Variants in PLEKHB2 observed in about 807,000 individuals in gnomAD.
The protein encoded by PLEKHB2 is pleckstrin homology domain containing B2.
In PLEKHB2, 31 loss-of-function variants were observed where a neutral mutation model predicts 36.5. The ratio of observed to expected loss-of-function variants is 0.85; its 90% CI spans 0.64 to 1.15. The LOEUF (loss-of-function observed/expected upper bound fraction) is 1.15. Among genes scored for constraint, PLEKHB2 ranks in the 50% most tolerant of loss-of-function variants. The pLI is 0.00. For synonymous variants in PLEKHB2, 119 were observed against 112.0 expected, an observed-to-expected ratio of 1.06 and a Z score of -0.39; for missense variants, 262 against 295.3, an observed-to-expected ratio of 0.89 and a Z score of 0.83.
chr2:131,126,580 A>G, intron 3 of PLEKHB2, 104 bp from the exon 4 acceptor site: 1 of 716,962 alleles, frequency 1.4e-6, no homozygotes, highest in Non-Finnish European at 2.5e-6. Flanking sequence ...TAGATGTAGC[A>G]CTTGATTTAT....
intron 2 of PLEKHB2, among the ~76,000 whole-genome samples, chr2:131,124,790 C>CTT (rs761840735): frequency 2.1e-5 from 3 of 144,694 alleles, no homozygotes; most frequent in South Asian, 2.2e-4. Flanking sequence ...CGTGTTTTTT[C>CTT]TTTTTTTTTT....
chr2:131,139,456 A>G (rs1220606656), intron 6 of PLEKHB2, among the ~76,000 whole-genome samples: 1 of 152,236 alleles, frequency 6.6e-6, no homozygotes, highest in East Asian at 1.9e-4. Context: ...TTGCCTGGCT[A>G]CAACTCTGTT....
chr2:131,136,159 T>TCCTCCCTC (rs767240496), intron 6 of PLEKHB2, among the ~76,000 whole-genome samples: 3 of 146,310 alleles, frequency 2.1e-5, no homozygotes, highest in Admixed American at 6.8e-5. Context: ...TCTTCCTGCC[T>TCCTCCCTC]CCTCCCTCCC....
chr2:131,130,961 A>G (rs1312131270), intron 5 of PLEKHB2, among the ~76,000 whole-genome samples: 1 of 151,990 alleles, frequency 6.6e-6, no homozygotes, highest in Non-Finnish European at 1.5e-5. Flanking sequence ...TATTTGAAAA[A>G]ATTTTTTTGT....
At position 131,133,007 on chromosome 2, in the gene PLEKHB2, A is replaced by C. The variant is rs761239707; in HGVS notation, c.423+16A>C. 15 of 1,597,984 alleles carry C rather than the reference A, an allele frequency of 9.4e-6. No individual in the cohort carries two copies. The highest frequency in any genetic ancestry group is 1.3e-5 in the Non-Finnish European group (15 of 1,165,476). On this transcript the variant is annotated intron_variant, in intron 6 of 7. Transcript: ENST00000693505. ...GGCCCCTGAGGTAGGGAGAACCCTGAGCCTCCAGGTGAGGGAAGTTTGGGG... is the reference window on the plus strand; with the variant it reads ...GGCCCCTGAGGTAGGGAGAACCCTGCGCCTCCAGGTGAGGGAAGTTTGGGG...
intron 1 of PLEKHB2, among the ~76,000 whole-genome samples, chr2:131,110,067 A>G (rs1052701854): frequency 6.6e-6 from 1 of 152,066 alleles, no homozygotes; most frequent in Admixed American, 6.5e-5. Context: ...GAGAGCTGAG[A>G]TCGCGCCACT....
intron 2 of PLEKHB2, among the ~76,000 whole-genome samples, chr2:131,121,683 G>A (rs547069106): frequency 6.6e-6 from 1 of 152,288 alleles, no homozygotes; most frequent in East Asian, 1.9e-4. Context: ...TCAAATATTG[G>A]AGTCTTTGTA....
chr2:131,123,763 TCCACCCCCCCCACCCCC>T (rs1696777218), intron 2 of PLEKHB2, among the ~76,000 whole-genome samples: 1 of 21,042 alleles, frequency 4.8e-5, no homozygotes, highest in African/African-American at 4.4e-4. Flanking sequence ...GACCTCCTGG[TCCACCCCCCCCACCCCC>T]CCCCCCGCCC....
chr2:131,137,333 C>A (rs1374930362), intron 6 of PLEKHB2, among the ~76,000 whole-genome samples: 1 of 152,224 alleles, frequency 6.6e-6, no homozygotes, highest in Non-Finnish European at 1.5e-5. Flanking sequence ...TGTTGGGCAG[C>A]ATTGGTTCTC....
intron 6 of PLEKHB2, among the ~76,000 whole-genome samples, chr2:131,133,981 G>T (rs1697978144): frequency 7.2e-6 from 1 of 139,582 alleles, no homozygotes. Flanking sequence ...CTCACTAAAA[G>T]CTCCGCCTCC....
chr2:131,105,580 C>T (rs771360342), intron 1 of PLEKHB2, among the ~76,000 whole-genome samples, 182 bp downstream of exon 1: 5 of 152,158 alleles, frequency 3.3e-5, no homozygotes, highest in Non-Finnish European at 7.4e-5. Flanking sequence ...GGTCCGCCCA[C>T]CTCCCTGGAC....
At chr2:131,130,304 A>G (rs1697549801) in intron 4 of PLEKHB2, among the ~76,000 whole-genome samples, 2 of 152,064 alleles carry the variant, frequency 1.3e-5, no homozygotes, top group Admixed American at 6.6e-5. Flanking sequence ...TTGGCCTCCC[A>G]TAGTGCTGGG....
intron 7 of PLEKHB2, among the ~76,000 whole-genome samples, chr2:131,143,383 T>A: frequency 6.6e-6 from 1 of 152,232 alleles, no homozygotes; most frequent in Non-Finnish European, 1.5e-5. Flanking sequence ...CTATCATATG[T>A]CCATCACTGG....
intron 1 of PLEKHB2, among the ~76,000 whole-genome samples, chr2:131,112,407 T>G (rs1312627513): frequency 6.6e-6 from 1 of 152,220 alleles, no homozygotes; most frequent in African/African-American, 2.4e-5. Flanking sequence ...TTACCTGAAT[T>G]TTGTGAGCTG....
At chr2:131,116,564 G>C (rs905758330) in intron 1 of PLEKHB2, among the ~76,000 whole-genome samples, 1 of 152,172 alleles carries the variant, frequency 6.6e-6, no homozygotes, top group African/African-American at 2.4e-5. Context: ...CAGTAGGAAA[G>C]AGTGAACACA....
intron 4 of PLEKHB2, among the ~76,000 whole-genome samples, chr2:131,128,752 T>G (rs1439487859): frequency 6.6e-6 from 1 of 152,142 alleles, no homozygotes. Flanking sequence ...CAGAGATATG[T>G]TAGACTAAAA....
At chr2:131,138,896 C>T (rs1037470698) in intron 6 of PLEKHB2, among the ~76,000 whole-genome samples, 1 of 152,084 alleles carries the variant, frequency 6.6e-6, no homozygotes, top group African/African-American at 2.4e-5. Context: ...GTTTTGTTTC[C>T]ATCTGGTGGG....
intron 6 of PLEKHB2, 142 bp from the exon 7 acceptor site, chr2:131,140,025 G>A (rs1010213460): frequency 3.5e-6 from 2 of 577,710 alleles, no homozygotes; most frequent in African/African-American, 3.8e-5. Flanking sequence ...TAAAACGGGG[G>A]GCCTAACCAC....
chr2:131,142,478 TCTTTTTTTTTG>T (rs1290482185), intron 7 of PLEKHB2, among the ~76,000 whole-genome samples: 4 of 152,116 alleles, frequency 2.6e-5, no homozygotes, highest in Non-Finnish European at 5.9e-5. Flanking sequence ...TTTTTTCCTC[TCTTTTTTTTTG>T]CTATTGTAGA....
Sources: gnomAD v4.1 joint callset for allele counts (sites outside exome capture counted in the v4.1 genomes callset) on GRCh38, gnomAD v4.1.1 for gene constraint, MANE v1.5 for transcripts, NCBI Gene and HGNC (gene_info 2026-07-23, HGNC 2026-07-21) for gene names.